The following SEZ6L variants were observed in gnomAD, a reference collection of about 807,000 sequenced individuals.
The protein encoded by SEZ6L is seizure 6-like protein.
Under a neutral mutation model 106.2 loss-of-function variants are expected in SEZ6L, and 37 were observed. The observed-to-expected ratio is 0.35, with a 90% CI of 0.27 to 0.46. SEZ6L has a LOEUF of 0.46. SEZ6L is among the 20% of genes least tolerant of loss of function. The probability of loss-of-function intolerance (pLI) is 1.00; values close to 1 mark genes in which losing one functional copy is unlikely to be tolerated. For synonymous variants in SEZ6L, 541 were observed against 570.4 expected (o/e 0.95, Z 0.73); for missense variants, 1,172 against 1,332.8 (o/e 0.88, Z 1.88).
intron 1 of SEZ6L, among the ~76,000 whole-genome samples, chr22:26,245,376 G>T (rs992975790): frequency 5.9e-5 from 9 of 152,132 alleles, no homozygotes; most frequent in East Asian, 5.8e-4. Flanking sequence ...TGGAACAGGG[G>T]TGCAGGCTCC....
intron 6 of SEZ6L, 108 bp from the exon 7 acceptor site, chr22:26,310,562 G>C: frequency 8.2e-7 from 1 of 1,223,544 alleles, no homozygotes; most frequent in Non-Finnish European, 1.2e-6. Context: ...GTTAGGTTTG[G>C]GATCCGGTAA....
intron 1 of SEZ6L, among the ~76,000 whole-genome samples, chr22:26,171,846 A>C (rs778365668): frequency 2.0e-5 from 3 of 152,158 alleles, no homozygotes; most frequent in Non-Finnish European, 2.9e-5. Flanking sequence ...TTTGGAGACA[A>C]TTGACCTTCC....
intron 12 of SEZ6L, among the ~76,000 whole-genome samples, chr22:26,359,256 T>C (rs1451697696): frequency 1.3e-5 from 2 of 152,204 alleles, no homozygotes; most frequent in South Asian, 2.1e-4. Context: ...CAAAATTGAA[T>C]CAGGCTGACT....
intron 1 of SEZ6L, among the ~76,000 whole-genome samples, chr22:26,274,196 G>A (rs1462169390): frequency 1.3e-5 from 2 of 152,212 alleles, no homozygotes; most frequent in African/African-American, 4.8e-5. Flanking sequence ...TTTGTAAAAT[G>A]TGGGTAATAA....
chr22:26,220,606 G>A (rs965131031), intron 1 of SEZ6L, among the ~76,000 whole-genome samples: 4 of 152,206 alleles, frequency 2.6e-5, no homozygotes, highest in African/African-American at 4.8e-5. Context: ...GTGCTACACA[G>A]GCTTCTTCCT....
At chr22:26,371,455 A>G (rs1265852479) in intron 13 of SEZ6L, among the ~76,000 whole-genome samples, 2 of 152,232 alleles carry the variant, frequency 1.3e-5, no homozygotes, top group Middle Eastern at 6.8e-3. Flanking sequence ...TGAAAAGAAA[A>G]TAAAACTACC....
intron 12 of SEZ6L, among the ~76,000 whole-genome samples, chr22:26,352,272 G>T (rs1021881428): frequency 1.3e-5 from 2 of 152,060 alleles, no homozygotes; most frequent in Non-Finnish European, 2.9e-5. Context: ...AAGGAGCAGA[G>T]CCTTACACAG....
chr22:26,281,288 T>C (rs1417768910), intron 1 of SEZ6L, among the ~76,000 whole-genome samples: 2 of 152,166 alleles, frequency 1.3e-5, no homozygotes, highest in Non-Finnish European at 2.9e-5. Context: ...TGAGACCCTG[T>C]AGATAGTCCC....
At chr22:26,178,050 C>T (rs190330293) in intron 1 of SEZ6L, among the ~76,000 whole-genome samples, 1 of 152,286 alleles carries the variant, frequency 6.6e-6, no homozygotes, top group East Asian at 1.9e-4. Context: ...AAGTTTATGT[C>T]CTGAGACCCA....
At chr22:26,258,710 A>T (rs1007405501) in intron 1 of SEZ6L, among the ~76,000 whole-genome samples, 6 of 152,194 alleles carry the variant, frequency 3.9e-5, no homozygotes, top group African/African-American at 9.7e-5. Flanking sequence ...CTATCTAGAA[A>T]ATGATGCATA....
chr22:26,279,451 CCTT>C (rs1369772198), intron 1 of SEZ6L, among the ~76,000 whole-genome samples: 2 of 152,286 alleles, frequency 1.3e-5, no homozygotes, highest in East Asian at 3.9e-4. Flanking sequence ...ACCCCATCCT[CCTT>C]CTCTTCTTTC....
chr22:26,231,265 T>A (rs1400664664), intron 1 of SEZ6L, among the ~76,000 whole-genome samples: 1 of 152,232 alleles, frequency 6.6e-6, no homozygotes, highest in Non-Finnish European at 1.5e-5. Flanking sequence ...ACTTCAGAGT[T>A]GTCTGGTCAT....
intron 1 of SEZ6L, among the ~76,000 whole-genome samples, chr22:26,201,899 A>T (rs1232001542): frequency 6.6e-6 from 1 of 151,972 alleles, no homozygotes; most frequent in Non-Finnish European, 1.5e-5. Context: ...GCTGAGTCAG[A>T]TTTTTTGTTG....
chr22:26,328,555 T>C (rs2082389219), intron 9 of SEZ6L, among the ~76,000 whole-genome samples: 1 of 152,052 alleles, frequency 6.6e-6, no homozygotes, highest in African/African-American at 2.4e-5. Flanking sequence ...GGGGAGCTGT[T>C]GGGTTTTCCT....
chr22:26,310,054 C>T lies in SEZ6L; in HGVS notation c.1515-616C>T, dbSNP rs952821916. Among the ~76,000 whole-genome samples the T allele has an allele frequency of 4.6e-5, 7 of 152,328 alleles. 1 individual carries two copies. Among genetic ancestry groups the T allele is most frequent in the African/African-American group, 1.7e-4 (7 of 41,572 alleles). On this transcript the variant is annotated intron_variant, in intron 6 of 16. Coordinates refer to ENST00000248933, the MANE Select transcript of SEZ6L (RefSeq NM_021115.5). The stretch of plus-strand genomic sequence containing the variant: ...AGGCAATGAGATTAGTCCATTATTT[C>T]CAACTTCTCAGTTAATAATAATAGT...
At chr22:26,244,215 T>A (rs886561785) in intron 1 of SEZ6L, 1 of 148,006 alleles carries the variant, frequency 6.8e-6, no homozygotes, top group Non-Finnish European at 1.5e-5. Context: ...GGGTGACCCA[T>A]CACCCAAGTT....
intron 4 of SEZ6L, among the ~76,000 whole-genome samples, chr22:26,297,508 C>T (rs2081335074): frequency 1.3e-5 from 2 of 152,144 alleles, no homozygotes; most frequent in South Asian, 4.1e-4. Context: ...GAAAATAGCA[C>T]AGCTAAGGTA....
In SEZ6L at chr22:26,299,038, T is replaced by C; in HGVS notation, c.1217T>C (p.Val406Ala). 6.2e-7 allele frequency: 1 copy of C among 1,605,928 alleles called. No homozygotes were observed. Among genetic ancestry groups the C allele is most frequent in the South Asian group, 1.1e-5 (1 of 89,578 alleles). The change falls in exon 5 of 17, where the codon GTG (valine) becomes GCG (alanine). Residue 406 changes from valine to alanine, a missense_variant. This residue lies in a region of SEZ6L where 534 missense variants were observed against 691.0 expected (regional missense o/e 0.77). Coordinates refer to ENST00000248933, the MANE Select transcript of SEZ6L (RefSeq NM_021115.5). Reference protein sequence around the residue: ...PRRPDSGDVTVMDLHSGGVAH... With the variant: ...PRRPDSGDVTAMDLHSGGVAH... Reference sequence around the variant, plus strand: ...CGGCCTGACTCTGGGGATGTCACGGTGATGGACCTGCACTCAGGTGGGGTG... The same window carrying C: ...CGGCCTGACTCTGGGGATGTCACGGCGATGGACCTGCACTCAGGTGGGGTG...
At chr22:26,262,314 T>C (rs1292820106) in intron 1 of SEZ6L, among the ~76,000 whole-genome samples, 1 of 145,996 alleles carries the variant, frequency 6.8e-6, no homozygotes, top group East Asian at 2.1e-4. Flanking sequence ...TGGCCCTTCT[T>C]GTGAGAAGAA....
Sources: gnomAD v4.1 joint callset for allele counts (sites outside exome capture counted in the v4.1 genomes callset) on GRCh38, gnomAD v4.1.1 for gene constraint, gnomAD v4.1.1 regional missense constraint, MANE v1.5 for transcripts, NCBI Gene and HGNC (gene_info 2026-07-23, HGNC 2026-07-21) for gene names.